Variants in SHC3 observed in about 807,000 individuals in gnomAD.
SHC3 encodes the protein SHC adaptor protein 3.
SHC3 carries 15 observed loss-of-function variants against 60.4 expected under a neutral mutation model. The observed-to-expected ratio is 0.25, with a 90% CI of 0.17 to 0.38. SHC3 has a LOEUF of 0.38. SHC3 is among the 10% of genes least tolerant of loss of function. The pLI is 1.00. For missense variants in SHC3, 677 were observed against 786.1 expected, an observed-to-expected ratio of 0.86 and a Z score of 1.66; for synonymous variants, 294 against 325.9, an observed-to-expected ratio of 0.90 and a Z score of 1.05.
chr9:89,123,361 T>C (rs1469325701), intron 1 of SHC3, among the ~76,000 whole-genome samples: 1 of 152,232 alleles, frequency 6.6e-6, no homozygotes, highest in Non-Finnish European at 1.5e-5. Flanking sequence ...TCAACAGATG[T>C]CTGGTGACTC....
At chr9:89,153,372 A>G (rs976581883) in intron 1 of SHC3, among the ~76,000 whole-genome samples, 1 of 152,172 alleles carries the variant, frequency 6.6e-6, no homozygotes, top group South Asian at 2.1e-4. Context: ...TTTTATGAAC[A>G]TCGCCTACTT....
At chr9:89,076,073 C>G (rs550673912) in intron 3 of SHC3, among the ~76,000 whole-genome samples, 1 of 152,262 alleles carries the variant, frequency 6.6e-6, no homozygotes, top group African/African-American at 2.4e-5. Flanking sequence ...GCTGAGGCCC[C>G]ACCCATGAGA....
intron 2 of SHC3, among the ~76,000 whole-genome samples, chr9:89,092,615 CAAAAAA>C: frequency 1.5e-5 from 1 of 67,858 alleles, no homozygotes; most frequent in Middle Eastern, 8.6e-3. Context: ...GACTCTGTCT[CAAAAAA>C]AAAAAAAAAA....
chr9:89,155,370 GGT>G (rs753497789), intron 1 of SHC3, among the ~76,000 whole-genome samples: 80 of 152,188 alleles, frequency 5.3e-4, no homozygotes, highest in Non-Finnish European at 5.6e-4. Context: ...TCTCCAGTCT[GGT>G]GTGAATGACC....
intron 1 of SHC3, among the ~76,000 whole-genome samples, chr9:89,160,721 G>A (rs1826691957): frequency 6.6e-6 from 1 of 152,160 alleles, no homozygotes. Context: ...TTAAAGTTGA[G>A]TCTCTTACGG....
chr9:89,019,355 C>T (rs1362120230), intron 11 of SHC3, among the ~76,000 whole-genome samples: 1 of 152,074 alleles, frequency 6.6e-6, no homozygotes, highest in Non-Finnish European at 1.5e-5. Flanking sequence ...AAGAAGTGCA[C>T]ACTTGACTCT....
At chr9:89,152,221 G>A (rs1276288303) in intron 1 of SHC3, among the ~76,000 whole-genome samples, 4 of 152,262 alleles carry the variant, frequency 2.6e-5, no homozygotes, top group African/African-American at 7.2e-5. Context: ...TGTTAAAAAC[G>A]GGAGAATCCA....
intron 5 of SHC3, among the ~76,000 whole-genome samples, chr9:89,069,366 C>A (rs1334555384): frequency 1.3e-5 from 2 of 151,886 alleles, no homozygotes; most frequent in Non-Finnish European, 2.9e-5. Flanking sequence ...TAAGGACTTT[C>A]ATCTTACAAT....
intron 2 of SHC3, among the ~76,000 whole-genome samples, chr9:89,100,503 T>C (rs939678901): frequency 6.6e-6 from 1 of 152,182 alleles, no homozygotes; most frequent in Non-Finnish European, 1.5e-5. Flanking sequence ...CCCAAAGTGC[T>C]GGGAGCTACC....
In SHC3 at chr9:89,008,606, G is replaced by A. The variant is rs1238732083; in HGVS notation, c.*4841C>T. On this transcript the variant is annotated 3_prime_UTR_variant, in exon 12 of 12. Coordinates refer to ENST00000375835, the MANE Select transcript of SHC3 (RefSeq NM_016848.6). ...CTTCCACTCGAAGTCTGCTTGTCAC[G>A]AACGCCTGTCTCAGCTCAGGGACAT... 1.3e-5 allele frequency: 2 copies of A among 152,266 alleles called. No homozygotes were observed. Among genetic ancestry groups the A allele is most frequent in the Non-Finnish European group, 2.9e-5 (2 of 68,110 alleles). 9.4% of individuals were successfully genotyped at this position (152,266 alleles called of 1,614,324 possible). A position where few individuals can be genotyped will look rare whatever the true frequency, so the allele number is the denominator to read the frequency against.
chr9:89,177,283 G>A (rs1297806114), intron 1 of SHC3, among the ~76,000 whole-genome samples: 1 of 152,172 alleles, frequency 6.6e-6, no homozygotes, highest in East Asian at 1.9e-4. Flanking sequence ...CTCCTTTCCA[G>A]CCTGTGGCTC....
intron 6 of SHC3, among the ~76,000 whole-genome samples, chr9:89,053,368 A>G (rs11137496): frequency 0.025 from 3,759 of 152,290 alleles, 150 homozygotes; most frequent in African/African-American, 0.085. Context: ...TGCCCTCCCT[A>G]TAGGAGAAGC....
At chr9:89,160,966 C>T (rs1411836) in intron 1 of SHC3, among the ~76,000 whole-genome samples, 18,556 of 152,234 alleles carry the variant, frequency 0.12, 1,502 homozygotes, top group Non-Finnish European at 0.18. Context: ...GGCTCCAGGT[C>T]ACCTTCTGGA....
At chr9:89,037,241 A>C (rs933204381) in intron 11 of SHC3, 6 of 450,548 alleles carry the variant, frequency 1.3e-5, no homozygotes, top group Admixed American at 4.0e-5. Flanking sequence ...CAAAGGCTTC[A>C]TCCCTCCCTG....
chr9:89,133,334 AT>A, intron 1 of SHC3, among the ~76,000 whole-genome samples: 1 of 152,374 alleles, frequency 6.6e-6, no homozygotes, highest in South Asian at 2.1e-4. Flanking sequence ...TAGTTCAACC[AT>A]TGTGGAAGAC....
intron 2 of SHC3, among the ~76,000 whole-genome samples, chr9:89,092,921 A>G (rs141021624): frequency 6.6e-6 from 1 of 152,310 alleles, no homozygotes; most frequent in African/African-American, 2.4e-5. Context: ...ATGCATTGGT[A>G]GTTCATTGTA....
At chr9:89,152,145 A>G (rs1189769260) in intron 1 of SHC3, among the ~76,000 whole-genome samples, 1 of 152,210 alleles carries the variant, frequency 6.6e-6, no homozygotes, top group Non-Finnish European at 1.5e-5. Context: ...AGTTAAAGAT[A>G]TGGGATGTAA....
rs562529375 is a variant in SHC3, at chr9:89,058,945, G to A, written c.835+6584C>T. ...GTGGTGTTAGGACGTGGTAGAGGACGTGGTGGAAGACATGGTGGAGGACAG... is the reference window on the plus strand; with the variant it reads ...GTGGTGTTAGGACGTGGTAGAGGACATGGTGGAAGACATGGTGGAGGACAG... On this transcript the variant is annotated intron_variant, in intron 6 of 11. Transcript: ENST00000375835. 5.0e-3 allele frequency among the ~76,000 whole-genome samples: 750 copies of A among 149,828 alleles called. 5 individuals carry two copies. Among genetic ancestry groups the A allele is most frequent in the African/African-American group, 0.017 (706 of 40,590 alleles).
rs1321560458 is a variant in SHC3 at position 89,008,145 on chromosome 9, A to T, written c.*5302T>A. The stretch of plus-strand genomic sequence containing the variant: ...GGCTGCTATAAAATGTGCCAGTTTT[A>T]AAACTGTGCATTTGTTGCTTGCAAA... On this transcript the variant is annotated 3_prime_UTR_variant, in exon 12 of 12. Coordinates refer to ENST00000375835, the MANE Select transcript of SHC3 (RefSeq NM_016848.6). 1 of 152,258 alleles carries T rather than the reference A, an allele frequency of 6.6e-6. No homozygotes were observed. Among genetic ancestry groups the T allele is most frequent in the African/African-American group, 2.4e-5 (1 of 41,474 alleles). The allele number at this position is 152,258 out of a possible 1,614,324, so 9.4% of individuals were successfully genotyped here. A position where few individuals can be genotyped will look rare whatever the true frequency, so the allele number is the denominator to read the frequency against.
Sources: gnomAD v4.1 joint callset for allele counts (sites outside exome capture counted in the v4.1 genomes callset) on GRCh38, gnomAD v4.1.1 for gene constraint, MANE v1.5 for transcripts, NCBI Gene and HGNC (gene_info 2026-07-23, HGNC 2026-07-21) for gene names.